MANEA: variants seen among roughly 807,000 people sequenced by gnomAD.
The protein encoded by MANEA is mannosidase endo-alpha, also known as glycoprotein endo-alpha-1,2-mannosidase.
In MANEA, 25 loss-of-function variants were observed where a neutral mutation model predicts 36.8. The ratio of observed to expected loss-of-function variants is 0.68; its 90% CI spans 0.50 to 0.95. The LOEUF is 0.95. Among genes scored for constraint, MANEA ranks in the 40% least tolerant of loss-of-function variants. MANEA has a pLI of 0.00. For synonymous variants in MANEA, 198 were observed against 188.5 expected (o/e 1.05, Z -0.41); for missense variants, 565 against 558.8 (o/e 1.01, Z -0.11).
chr6:95,602,843 A>AC (rs1344380687), intron 3 of MANEA, among the ~76,000 whole-genome samples: 117 of 149,290 alleles, frequency 7.8e-4, no homozygotes, highest in Non-Finnish European at 1.6e-3. Flanking sequence ...ACAAGGTGAA[A>AC]CCCCGTCTCT....
intron 3 of MANEA, among the ~76,000 whole-genome samples, chr6:95,604,523 G>A (rs994757270): frequency 2.0e-5 from 3 of 151,906 alleles, no homozygotes; most frequent in African/African-American, 7.2e-5. Context: ...CCAACAAACT[G>A]GGTGACCTGG....
At chr6:95,580,359 C>T (rs191990975) in intron 1 of MANEA, among the ~76,000 whole-genome samples, 3 of 152,048 alleles carry the variant, frequency 2.0e-5, no homozygotes, top group South Asian at 4.2e-4. Flanking sequence ...GATAAAGACT[C>T]CATTTCTGAA....
intron 2 of MANEA, among the ~76,000 whole-genome samples, chr6:95,594,428 G>T (rs1270626065): frequency 2.6e-5 from 4 of 152,140 alleles, no homozygotes; most frequent in Non-Finnish European, 4.4e-5. Flanking sequence ...GATGAATTAG[G>T]AAAAGGGCAA....
At chr6:95,578,585 G>GA (rs1303111023) in intron 1 of MANEA, among the ~76,000 whole-genome samples, 1 of 151,910 alleles carries the variant, frequency 6.6e-6, no homozygotes, top group Non-Finnish European at 1.5e-5. Flanking sequence ...TATCACACCT[G>GA]AAAAAAACAT....
intron 3 of MANEA, among the ~76,000 whole-genome samples, chr6:95,600,444 A>T (rs1182396730): frequency 6.6e-6 from 1 of 152,202 alleles, no homozygotes; most frequent in Non-Finnish European, 1.5e-5. Flanking sequence ...CAATGAAACC[A>T]TAAGATAGTT....
At chr6:95,601,860 C>T (rs1769600104) in intron 3 of MANEA, among the ~76,000 whole-genome samples, 1 of 150,612 alleles carries the variant, frequency 6.6e-6, no homozygotes, top group South Asian at 2.1e-4. Flanking sequence ...GCAGAAATCA[C>T]ATTTCTTATA....
At chr6:95,582,106 GTGATGTCAA>G (rs56125123) in intron 1 of MANEA, among the ~76,000 whole-genome samples, 88,573 of 147,988 alleles carry the variant, frequency 0.6, 26,829 homozygotes, top group East Asian at 0.87. Flanking sequence ...AATGTTTGTT[GTGATGTCAA>G]TGATTTGAAA....
Position 95,608,255 on chromosome 6 carries a change from A to T in MANEA, c.*1850A>T, listed in dbSNP as rs1769753130. 1 of 151,970 alleles carries T rather than the reference A, an allele frequency of 6.6e-6. No individual in the cohort carries two copies. Among genetic ancestry groups the T allele is most frequent in the African/African-American group, 2.4e-5 (1 of 41,434 alleles). The allele number at this position is 151,970 out of a possible 1,614,324, so 9.4% of individuals were successfully genotyped here. ...AATGTCACACCTAATAATCTTTTATAATATACCATATTTCATTAAAGTTTT... is the reference window on the plus strand; with the variant it reads ...AATGTCACACCTAATAATCTTTTATTATATACCATATTTCATTAAAGTTTT... On this transcript the variant is annotated 3_prime_UTR_variant, in exon 5 of 5. Transcript: ENST00000358812.
rs61086507 is a variant in MANEA, at chr6:95,600,085, T to C, written c.654+3239T>C. Among the ~76,000 whole-genome samples the C allele has an allele frequency of 9.3e-4, 142 of 152,310 alleles. 1 individual carries two copies. The East Asian group carries it at 0.022, about 24-fold the overall frequency. ...TTTGAAAGAGAAAATGAAAATGTTATGATATATGAGGATTGGTTGGCTTTT... is the reference window on the plus strand; with the variant it reads ...TTTGAAAGAGAAAATGAAAATGTTACGATATATGAGGATTGGTTGGCTTTT... On this transcript the variant is annotated intron_variant, in intron 3 of 4. Transcript: ENST00000358812.
chr6:95,603,232 A>G (rs941766836), intron 3 of MANEA, among the ~76,000 whole-genome samples: 4 of 152,064 alleles, frequency 2.6e-5, no homozygotes, highest in African/African-American at 9.7e-5. Flanking sequence ...GGATATTTCA[A>G]GTTGGATATT....
chr6:95,588,931 T>C (rs1769335605), intron 2 of MANEA, among the ~76,000 whole-genome samples: 2 of 151,928 alleles, frequency 1.3e-5, no homozygotes, highest in South Asian at 2.1e-4. Flanking sequence ...TATAAAGACC[T>C]TTTTCCCTGT....
intron 1 of MANEA, among the ~76,000 whole-genome samples, chr6:95,579,953 G>A (rs978889336): frequency 6.6e-6 from 1 of 152,148 alleles, no homozygotes; most frequent in Non-Finnish European, 1.5e-5. Context: ...CAATAAACTT[G>A]TAATATTTTC....
At chr6:95,583,836 A>G (rs1471265271) in intron 1 of MANEA, among the ~76,000 whole-genome samples, 2 of 152,190 alleles carry the variant, frequency 1.3e-5, no homozygotes, top group Admixed American at 6.5e-5. Flanking sequence ...TTCACTATTC[A>G]CAATTAAACA....
Position 95,606,251 on chromosome 6 carries a change from A to G in MANEA, c.1235A>G (p.Glu412Gly). Residue 412 changes from glutamate (E) to glycine (G), a missense_variant, in exon 5 of 5, where the codon GAA becomes GGA. Glu to Gly is a moderately conservative substitution (Grantham distance 98). Transcript: ENST00000358812. The stretch of plus-strand genomic sequence containing the variant: ...GAGTGGCATGAAGGAACTCAGATTG[A>G]AAAAGCTGTTCCCAAAAGAACCAGT... Reference protein sequence around the residue: ...FNEWHEGTQIEKAVPKRTSNT... With the variant: ...FNEWHEGTQIGKAVPKRTSNT... The G allele has an allele frequency of 6.2e-7, 1 of 1,613,860 alleles. No individual in the cohort carries two copies. The highest frequency in any genetic ancestry group is 8.5e-7 in the Non-Finnish European group (1 of 1,179,942).
At chr6:95,599,526 G>A (rs2127943882) in intron 3 of MANEA, among the ~76,000 whole-genome samples, 1 of 152,236 alleles carries the variant, frequency 6.6e-6, no homozygotes, top group South Asian at 2.1e-4. Flanking sequence ...ACTTCTTGCA[G>A]TTATATTCTA....
chr6:95,609,178 T>TA lies in MANEA; in HGVS notation c.*2776dup, dbSNP rs1319298049. 1 of 151,748 alleles carries TA rather than the reference T, an allele frequency of 6.6e-6. No individual in the cohort carries two copies. Among genetic ancestry groups the TA allele is most frequent in the Non-Finnish European group, 1.5e-5 (1 of 67,718 alleles). The allele number at this position is 151,748 out of a possible 1,614,324, so 9.4% of individuals were successfully genotyped here. ...CGTTTGAATTCAATATGGTATAACTTAAAGTGGTATAATACATACAATGCA... is the reference window on the plus strand; with the variant it reads ...CGTTTGAATTCAATATGGTATAACTTAAAAGTGGTATAATACATACAATGCA... On this transcript the variant is annotated 3_prime_UTR_variant, in exon 5 of 5. Transcript: ENST00000358812.
intron 3 of MANEA, among the ~76,000 whole-genome samples, chr6:95,597,092 TTTG>T (rs1416177836): frequency 6.6e-6 from 1 of 151,962 alleles, no homozygotes; most frequent in Admixed American, 6.5e-5. Flanking sequence ...GAAAGGTTCT[TTTG>T]TGAAGATAAT....
chr6:95,588,613 C>A (rs1379096665), intron 2 of MANEA, among the ~76,000 whole-genome samples: 3 of 151,708 alleles, frequency 2.0e-5, no homozygotes, highest in Non-Finnish European at 4.4e-5. Context: ...AAATTTGTGT[C>A]ACATTTAAGT....
In MANEA at chr6:95,596,837, T is replaced by C. The variant is rs144138784; in HGVS notation, c.645T>C (p.Tyr215=). 536 of 1,494,360 alleles carry C rather than the reference T, an allele frequency of 3.6e-4. No individual in the cohort carries two copies. The highest frequency in any genetic ancestry group is 4.6e-4 in the Non-Finnish European group (494 of 1,071,578). 92.6% of individuals were successfully genotyped at this position (1,494,360 alleles called of 1,614,324 possible). The change falls in exon 3 of 5, where the codon TAT becomes TAC. Residue 215 remains tyrosine, a synonymous_variant. Transcript: ENST00000358812. ...CTATTTTGGATAAAGCTCATAAATA[T>C]AACCTAAAGGTATTTTATTTTATTT... is the stretch of plus-strand genomic sequence containing the variant. ...VPTILDKAHK[Y]NLKVTFHIEP...
Sources: gnomAD v4.1 joint callset for allele counts (sites outside exome capture counted in the v4.1 genomes callset) on GRCh38, gnomAD v4.1.1 for gene constraint, MANE v1.5 for transcripts, NCBI Gene and HGNC (gene_info 2026-07-23, HGNC 2026-07-21) for gene names.